NEGR1: variants seen among roughly 807,000 people sequenced by gnomAD.
The protein encoded by NEGR1 is IgLON family member 4.
NEGR1 carries 10 observed loss-of-function variants against 40.9 expected under a neutral mutation model. That is an observed-to-expected ratio of 0.24 (90% CI 0.15 to 0.42). NEGR1 has a LOEUF of 0.42. Ranked by LOEUF, NEGR1 falls within the 10% of genes least tolerant of loss-of-function variation. NEGR1 has a pLI of 1.00. For synonymous variants in NEGR1, 185 were observed against 166.8 expected (o/e 1.11, Z -0.84); for missense variants, 352 against 438.9 (o/e 0.80, Z 1.77).
chr1:72,073,476 A>T (rs532740889), intron 1 of NEGR1, among the ~76,000 whole-genome samples: 1 of 152,184 alleles, frequency 6.6e-6, no homozygotes, highest in East Asian at 1.9e-4. Context: ...TATTAAGGGG[A>T]GATAAGGAGA....
chr1:71,788,778 T>C (rs534363415), intron 2 of NEGR1, among the ~76,000 whole-genome samples: 1 of 152,050 alleles, frequency 6.6e-6, no homozygotes, highest in East Asian at 1.9e-4. Flanking sequence ...AAGGCTACTC[T>C]CAAAAGATCT....
At chr1:71,490,618 A>G (rs1646920396) in intron 6 of NEGR1, among the ~76,000 whole-genome samples, 1 of 152,046 alleles carries the variant, frequency 6.6e-6, no homozygotes, top group South Asian at 2.1e-4. Context: ...CATGTGACTC[A>G]GTCTTGGCAA....
intron 4 of NEGR1, among the ~76,000 whole-genome samples, chr1:71,645,392 C>T (rs377671513): frequency 1.3e-5 from 2 of 151,768 alleles, no homozygotes; most frequent in East Asian, 1.9e-4. Context: ...AAAAGTTTAC[C>T]CTTTGAAAGC....
chr1:71,502,688 C>T (rs932253107), intron 6 of NEGR1, among the ~76,000 whole-genome samples: 1 of 152,136 alleles, frequency 6.6e-6, no homozygotes, highest in Non-Finnish European at 1.5e-5. Flanking sequence ...CAGGAGGCAG[C>T]AGAGGCAACA....
At chr1:71,688,325 TATAG>T (rs74193312) in intron 4 of NEGR1, among the ~76,000 whole-genome samples, 7 of 103,202 alleles carry the variant, frequency 6.8e-5, no homozygotes, top group African/African-American at 1.1e-4. Flanking sequence ...TATATATATA[TATAG>T]ATAGATAGAT....
chr1:71,431,235 A>G (rs892026578), intron 6 of NEGR1, among the ~76,000 whole-genome samples: 1 of 152,146 alleles, frequency 6.6e-6, no homozygotes, highest in Non-Finnish European at 1.5e-5. Flanking sequence ...TACCATGAAG[A>G]TATAAATCAT....
intron 4 of NEGR1, among the ~76,000 whole-genome samples, chr1:71,643,238 A>C (rs1463767736): frequency 6.6e-6 from 1 of 151,978 alleles, no homozygotes; most frequent in Non-Finnish European, 1.5e-5. Context: ...TAGGCTTGTC[A>C]ACATATCTAC....
intron 2 of NEGR1, among the ~76,000 whole-genome samples, chr1:71,906,285 G>A (rs777135976): frequency 4.6e-5 from 7 of 151,954 alleles, no homozygotes; most frequent in Non-Finnish European, 8.8e-5. Flanking sequence ...ATTGGGTACC[G>A]TATACGCTGC....
intron 4 of NEGR1, among the ~76,000 whole-genome samples, chr1:71,624,518 A>G (rs1237185667): frequency 6.6e-6 from 1 of 151,990 alleles, no homozygotes; most frequent in Non-Finnish European, 1.5e-5. Context: ...TCTCTAAATG[A>G]TCAACCCTCT....
In NEGR1 at chr1:71,568,828, A is replaced by ATGTGTG. The variant is rs1401949907; in HGVS notation, c.940+23988_940+23989insCACACA. ...TGTGTGTGTATGTGTATATATGTAT[A>ATGTGTG]CGTGTGTGTGTGTGTGTGTGTGTGT... On this transcript the variant is annotated intron_variant, in intron 6 of 6. Transcript: ENST00000357731. Among the ~76,000 whole-genome samples, 14 of 31,554 alleles carry ATGTGTG rather than the reference A, an allele frequency of 4.4e-4. No individual in the cohort carries two copies. The East Asian group carries it at 0.012, about 28-fold the overall frequency. The allele number at this position is 31,554 out of a possible 152,430, so 20.7% of individuals were successfully genotyped here.
rs533448778 is a variant in NEGR1 at position 71,780,010 on chromosome 1, G to A, written c.410-3713C>T. Reference sequence around the variant, plus strand: ...GAAGGGTTTTGGATGGTCCCAGGGCGCATCGTGCTAAGCACTTGCATAGGA... The same window carrying A: ...GAAGGGTTTTGGATGGTCCCAGGGCACATCGTGCTAAGCACTTGCATAGGA... On this transcript the variant is annotated intron_variant, in intron 2 of 6. Coordinates refer to ENST00000357731, the MANE Select transcript of NEGR1 (RefSeq NM_173808.3). 9.2e-4 allele frequency among the ~76,000 whole-genome samples: 121 copies of A among 131,396 alleles called. 2 individuals carry two copies. The South Asian group carries it at 0.016, about 17-fold the overall frequency. 86.2% of individuals were successfully genotyped at this position (131,396 alleles called of 152,430 possible).
Position 72,108,403 on chromosome 1 carries a change from C to A in NEGR1, c.177-173092G>T, listed in dbSNP as rs574006227. Among the ~76,000 whole-genome samples, 43 of 151,500 alleles carry A rather than the reference C, an allele frequency of 2.8e-4. No individual in the cohort carries two copies. In the South Asian group the frequency reaches 8.9e-3, roughly 31 times the overall value. Reference sequence around the variant, plus strand: ...CACTAGAGTACTTTCAGAATCATACCATTACACTGGCAAATATGACATATA... The same window carrying A: ...CACTAGAGTACTTTCAGAATCATACAATTACACTGGCAAATATGACATATA... On this transcript the variant is annotated intron_variant, in intron 1 of 6. Coordinates refer to ENST00000357731, the MANE Select transcript of NEGR1 (RefSeq NM_173808.3).
At position 71,401,576 on chromosome 1, in the gene NEGR1, G is replaced by A. The variant is rs993539432; in HGVS notation, c.*5870C>T. On this transcript the variant is annotated 3_prime_UTR_variant, in exon 7 of 7. Transcript: ENST00000357731. ...ATTAGAATCTTTCTCTTGTTCTACT[G>A]TCCCAGCACAAACAGATGTTCATGT... The A allele has an allele frequency of 2.0e-5, 3 of 152,084 alleles. No individual in the cohort carries two copies. Among genetic ancestry groups the A allele is most frequent in the African/African-American group, 4.8e-5 (2 of 41,414 alleles). The allele number at this position is 152,084 out of a possible 1,614,324, so 9.4% of individuals were successfully genotyped here.
chr1:71,420,101 A>G (rs556852332), intron 6 of NEGR1, among the ~76,000 whole-genome samples: 3 of 152,206 alleles, frequency 2.0e-5, no homozygotes, highest in African/African-American at 7.2e-5. Flanking sequence ...ATTTTTGACT[A>G]TAATAAAAAT....
chr1:72,260,901 T>C (rs1655431270), intron 1 of NEGR1, among the ~76,000 whole-genome samples: 1 of 152,040 alleles, frequency 6.6e-6, no homozygotes, highest in African/African-American at 2.4e-5. Flanking sequence ...TAAACAATTG[T>C]TGAAGATTAA....
chr1:71,659,629 G>T (rs1052301777), intron 4 of NEGR1, among the ~76,000 whole-genome samples: 2 of 152,028 alleles, frequency 1.3e-5, no homozygotes, highest in African/African-American at 4.8e-5. Flanking sequence ...AAATTTACAA[G>T]AGAAGAACAA....
chr1:72,010,585 G>A (rs1646647374), intron 1 of NEGR1, among the ~76,000 whole-genome samples: 1 of 151,794 alleles, frequency 6.6e-6, no homozygotes, highest in South Asian at 2.1e-4. Context: ...ATTCTCTCCT[G>A]GGTATTTATA....
intron 2 of NEGR1, among the ~76,000 whole-genome samples, chr1:71,794,960 T>G (rs2101740415): frequency 6.6e-6 from 1 of 152,164 alleles, no homozygotes; most frequent in East Asian, 1.9e-4. Flanking sequence ...AAGGGGAAAC[T>G]TTAATGGCCA....
intron 1 of NEGR1, among the ~76,000 whole-genome samples, chr1:72,108,762 G>A (rs1434395423): frequency 6.6e-6 from 1 of 151,654 alleles, no homozygotes; most frequent in Non-Finnish European, 1.5e-5. Context: ...AGAACTGGAT[G>A]CAAGAAGAAC....
Sources: allele counts gnomAD v4.1 joint callset (sites outside exome capture counted in the v4.1 genomes callset), GRCh38; gene constraint gnomAD v4.1.1; transcripts MANE v1.5; gene names NCBI Gene and HGNC (gene_info 2026-07-23, HGNC 2026-07-21).